Variants in LRRC38 observed in about 807,000 individuals in gnomAD.
LRRC38 encodes leucine-rich repeat-containing protein 38.
Under a neutral mutation model 16.4 loss-of-function variants are expected in LRRC38, and 5 were observed. That is an observed-to-expected ratio of 0.31 (90% CI 0.16 to 0.64). LRRC38 has a LOEUF of 0.64. Among genes scored for constraint, LRRC38 ranks in the 30% least tolerant of loss-of-function variants. LRRC38 has a pLI of 0.80. For missense variants in LRRC38, 341 were observed against 401.8 expected (o/e 0.85, Z 1.29); for synonymous variants, 191 against 190.2 (o/e 1.00, Z -0.04).
intron 1 of LRRC38, among the ~76,000 whole-genome samples, chr1:13,491,374 C>T (rs1470348056): frequency 6.6e-6 from 1 of 152,158 alleles, no homozygotes; most frequent in African/African-American, 2.4e-5. Context: ...GTCACCCAGG[C>T]TGGAGTACAG....
At chr1:13,501,000 C>T (rs748066503) in intron 1 of LRRC38, among the ~76,000 whole-genome samples, 5 of 152,094 alleles carry the variant, frequency 3.3e-5, no homozygotes, top group Non-Finnish European at 5.9e-5. Flanking sequence ...TGAAGGATTA[C>T]ATGACGTAAT....
At position 13,487,225 on chromosome 1, in the gene LRRC38, G is replaced by A. The variant is rs544397741; in HGVS notation, c.632-11126C>T. 5.9e-5 allele frequency among the ~76,000 whole-genome samples: 9 copies of A among 152,306 alleles called. No individual in the cohort carries two copies. The highest frequency in any genetic ancestry group is 1.9e-4 in the East Asian group (1 of 5,184). On this transcript the variant is annotated intron_variant, in intron 1 of 1. Transcript: ENST00000376085. This position sits in a 1 kb window ranked among gnomAD's most constrained non-coding sequence, Gnocchi z 4.4. Reference sequence around the variant, plus strand: ...TTGTTTACGCTCAAGATACCCAACCGATGGATTCTAGGACAACGGAATTCA... The same window carrying A: ...TTGTTTACGCTCAAGATACCCAACCAATGGATTCTAGGACAACGGAATTCA...
chr1:13,512,921 GCCCC>G, intron 1 of LRRC38, 38 bp downstream of exon 1: 4 of 1,246,156 alleles, frequency 3.2e-6, no homozygotes, highest in African/African-American at 1.5e-5. Context: ...GCCTCTCCCT[GCCCC>G]CCTCCCTCCC....
intron 1 of LRRC38, among the ~76,000 whole-genome samples, chr1:13,508,898 G>C (rs1405729870): frequency 6.6e-6 from 1 of 152,168 alleles, no homozygotes; most frequent in East Asian, 1.9e-4. Flanking sequence ...TCGGGGAAAT[G>C]GGGAGAGGCT....
chr1:13,513,501 GCC>G lies in LRRC38; in HGVS notation c.91_92del (p.Gly31LeufsTer103). 1.3e-6 allele frequency: 2 copies of G among 1,483,772 alleles called. No individual in the cohort carries two copies. Among genetic ancestry groups the G allele is most frequent in the Non-Finnish European group, 1.8e-6 (2 of 1,116,408 alleles). 91.9% of individuals were successfully genotyped at this position (1,483,772 alleles called of 1,614,324 possible). Reference protein sequence around the residue: ...LLAPGHACPAGCACTDPHTVD... With the variant: ...LLAPGHACPAXCACTDPHTVD... ...CGGTGTGCGGGTCGGTGCAGGCGCA[GCC>G]CGCGGGGCACGCGTGCCCGGGCGCG... On this transcript the variant is annotated frameshift_variant, in exon 1 of 2. Transcript: ENST00000376085. LOFTEE classifies it high-confidence loss of function.
intron 1 of LRRC38, among the ~76,000 whole-genome samples, chr1:13,485,015 C>A (rs1433174378): frequency 6.6e-6 from 1 of 152,162 alleles, no homozygotes; most frequent in Admixed American, 6.5e-5. Context: ...CGGTGGCTCA[C>A]GCCTGTAATC....
intron 1 of LRRC38, among the ~76,000 whole-genome samples, chr1:13,484,945 C>T (rs568305385): frequency 1.7e-4 from 26 of 152,308 alleles, no homozygotes; most frequent in Non-Finnish European, 2.9e-4. Flanking sequence ...CACCCTAGTG[C>T]CTATGCAGTT....
intron 1 of LRRC38, among the ~76,000 whole-genome samples, chr1:13,477,196 A>ACAAGG: frequency 6.6e-6 from 1 of 152,328 alleles, no homozygotes; most frequent in African/African-American, 2.4e-5. Flanking sequence ...TTGGTGATAT[A>ACAAGG]CAAGGCAACT....
chr1:13,493,481 G>A (rs1277721600), intron 1 of LRRC38, among the ~76,000 whole-genome samples: 4 of 152,152 alleles, frequency 2.6e-5, no homozygotes, highest in Non-Finnish European at 5.9e-5. Context: ...CCCCTAAATC[G>A]TCCACATGCT....
At position 13,475,380 on chromosome 1, in the gene LRRC38, C is replaced by A. The variant is rs1638774309; in HGVS notation, c.*466G>T. The stretch of plus-strand genomic sequence containing the variant: ...TTATATAAGGATCAAAGTTCTCGTT[C>A]TTGTGGTGAATGATCCGAATTTGAA... On this transcript the variant is annotated 3_prime_UTR_variant, in exon 2 of 2. Coordinates refer to ENST00000376085, the MANE Select transcript of LRRC38 (RefSeq NM_001010847.2). The surrounding 1 kb of genome is among the most constrained non-coding windows in gnomAD (Gnocchi z 4.3). 6.1e-6 allele frequency: 1 copy of A among 163,738 alleles called. No homozygotes were observed. The highest frequency in any genetic ancestry group is 1.4e-5 in the Non-Finnish European group (1 of 74,032). The allele number at this position is 163,738 out of a possible 1,614,324, so 10.1% of individuals were successfully genotyped here.
At chr1:13,507,921 C>T (rs983194654) in intron 1 of LRRC38, among the ~76,000 whole-genome samples, 3 of 151,036 alleles carry the variant, frequency 2.0e-5, no homozygotes, top group Non-Finnish European at 4.4e-5. Flanking sequence ...ACCATTAATG[C>T]ATTCAGGGGT....
chr1:13,512,923 C>CCCCCCA, intron 1 of LRRC38, 40 bp downstream of exon 1: 4 of 1,238,400 alleles, frequency 3.2e-6, no homozygotes, highest in Non-Finnish European at 3.4e-6. Context: ...CTCTCCCTGC[C>CCCCCCA]CCCCTCCCTC....
chr1:13,497,162 CT>C (rs1639089835), intron 1 of LRRC38, among the ~76,000 whole-genome samples: 1 of 152,092 alleles, frequency 6.6e-6, no homozygotes, highest in Admixed American at 6.6e-5. Flanking sequence ...ACTTTTACTT[CT>C]GCTCTTCATG....
intron 1 of LRRC38, among the ~76,000 whole-genome samples, chr1:13,493,816 G>C (rs1211469916): frequency 6.6e-6 from 1 of 152,208 alleles, no homozygotes; most frequent in East Asian, 1.9e-4. Context: ...TGTAATCCCA[G>C]CACTTTGGGA....
At chr1:13,482,304 C>T (rs781402245) in intron 1 of LRRC38, among the ~76,000 whole-genome samples, 12 of 152,004 alleles carry the variant, frequency 7.9e-5, no homozygotes, top group Non-Finnish European at 1.3e-4. Flanking sequence ...TGGCCAGGCA[C>T]GGTGGCTCAC....
At chr1:13,511,058 C>A (rs974232789) in intron 1 of LRRC38, among the ~76,000 whole-genome samples, 4 of 152,168 alleles carry the variant, frequency 2.6e-5, no homozygotes, top group African/African-American at 9.7e-5. Flanking sequence ...AAGCCATACC[C>A]CCAAACCCTG....
intron 1 of LRRC38, among the ~76,000 whole-genome samples, chr1:13,510,224 G>A (rs190922912): frequency 3.4e-4 from 51 of 152,238 alleles, no homozygotes; most frequent in Middle Eastern, 3.4e-3. Context: ...AGAAAGCCCT[G>A]GACCTTGTAC....
At chr1:13,492,175 A>G (rs1446227227) in intron 1 of LRRC38, among the ~76,000 whole-genome samples, 1 of 152,166 alleles carries the variant, frequency 6.6e-6, no homozygotes, top group Non-Finnish European at 1.5e-5. Flanking sequence ...TGTGAGTTTG[A>G]CTACTCTACG....
At chr1:13,497,624 T>C (rs1345770200) in intron 1 of LRRC38, among the ~76,000 whole-genome samples, 1 of 113,182 alleles carries the variant, frequency 8.8e-6, no homozygotes, top group East Asian at 2.9e-4. Context: ...GAAAACTTCA[T>C]ATGCAAAAAA....
Sources: allele counts gnomAD v4.1 joint callset (sites outside exome capture counted in the v4.1 genomes callset), GRCh38; gene constraint gnomAD v4.1.1; non-coding constraint Gnocchi (gnomAD v3.1); transcripts MANE v1.5; gene names NCBI Gene and HGNC (gene_info 2026-07-23, HGNC 2026-07-21).